The following DIAPH1 variants were observed in gnomAD, a reference collection of about 807,000 sequenced individuals.
DIAPH1 encodes the protein diaphanous related formin 1.
A neutral mutation model predicts 140.7 loss-of-function variants in DIAPH1; 46 were observed. That is an observed-to-expected ratio of 0.33 (90% CI 0.26 to 0.42). The LOEUF (loss-of-function observed/expected upper bound fraction) is 0.42, where lower values mean the gene tolerates loss of function less well. Ranked by LOEUF, DIAPH1 falls within the 10% of genes least tolerant of loss-of-function variation. The pLI is 1.00. For synonymous variants in DIAPH1, 565 were observed against 551.6 expected (o/e 1.02, Z -0.34); for missense variants, 1,310 against 1,558.7 (o/e 0.84, Z 2.69).
chr5:141,604,726 T>G (rs922225812), intron 1 of DIAPH1, among the ~76,000 whole-genome samples: 7 of 152,190 alleles, frequency 4.6e-5, no homozygotes, highest in African/African-American at 1.7e-4. Context: ...ACACCACTCC[T>G]GAATACCCAG....
intron 18 of DIAPH1, among the ~76,000 whole-genome samples, chr5:141,570,604 A>G (rs2099895036): frequency 6.6e-6 from 1 of 151,358 alleles, no homozygotes; most frequent in South Asian, 2.1e-4. Context: ...TCACTTAAGG[A>G]AAAAAAAAGG....
chr5:141,548,771 T>C (rs1291493626), intron 18 of DIAPH1, among the ~76,000 whole-genome samples: 1 of 151,884 alleles, frequency 6.6e-6, no homozygotes, highest in East Asian at 1.9e-4. Context: ...CATGCCACTG[T>C]ACTCCAGCCT....
At chr5:141,523,807 A>G (rs980026003) in intron 27 of DIAPH1, among the ~76,000 whole-genome samples, 1 of 151,518 alleles carries the variant, frequency 6.6e-6, no homozygotes, top group African/African-American at 2.4e-5. Flanking sequence ...TCTAATATAC[A>G]TTTTGTATTT....
intron 18 of DIAPH1, among the ~76,000 whole-genome samples, chr5:141,538,351 C>T (rs551620453): frequency 3.5e-5 from 5 of 141,626 alleles, no homozygotes; most frequent in East Asian, 4.5e-4. Flanking sequence ...TGAGCCACTT[C>T]GCTCGGCTTT....
At chr5:141,576,622 T>C in intron 13 of DIAPH1, 134 bp downstream of exon 13, 1 of 733,686 alleles carries the variant, frequency 1.4e-6, no homozygotes. Flanking sequence ...ATGCTGGTTA[T>C]GACCTAAGAA....
At chr5:141,604,618 A>T (rs989195027) in intron 1 of DIAPH1, among the ~76,000 whole-genome samples, 8 of 152,332 alleles carry the variant, frequency 5.3e-5, no homozygotes, top group Admixed American at 6.5e-5. Context: ...TGCAACTGCT[A>T]CCGCTTCTAC....
rs573787753 is a variant in DIAPH1, at chr5:141,618,942, C to G, written c.-28G>C. The G allele has an allele frequency of 1.7e-4, 231 of 1,339,320 alleles. No individual in the cohort carries two copies. The highest frequency in any genetic ancestry group is 2.2e-4 in the Non-Finnish European group (222 of 1,003,082). 83.0% of individuals were successfully genotyped at this position (1,339,320 alleles called of 1,614,324 possible). On this transcript the variant is annotated 5_prime_UTR_variant, in exon 1 of 28. Transcript: ENST00000389054. ...CCCGGTTCACGCTGGCCGGCGACCC[C>G]GCGCCTACGCCGCTCCCGCCTGGCA...
In DIAPH1 at chr5:141,523,457, C is replaced by T. The variant is rs536516999; in HGVS notation, c.3661+686G>A. On this transcript the variant is annotated intron_variant, in intron 27 of 27. Transcript: ENST00000389054. ...TCATTAATCTTTTCCCATACTAATGCCTGGATCACTTGTCCTAGCTCCATA... is the reference window on the plus strand; with the variant it reads ...TCATTAATCTTTTCCCATACTAATGTCTGGATCACTTGTCCTAGCTCCATA... 3.9e-5 allele frequency among the ~76,000 whole-genome samples: 6 copies of T among 152,288 alleles called. No individual in the cohort carries two copies. In the East Asian group the frequency reaches 5.8e-4, roughly 15 times the overall value.
At chr5:141,600,331 G>A (rs551405995) in intron 1 of DIAPH1, among the ~76,000 whole-genome samples, 17 of 152,290 alleles carry the variant, frequency 1.1e-4, no homozygotes, top group African/African-American at 3.4e-4. Context: ...ACTTAGCCCA[G>A]CCTGACATTT....
chr5:141,576,509 A>G (rs1236253368), intron 13 of DIAPH1, among the ~76,000 whole-genome samples: 1 of 152,204 alleles, frequency 6.6e-6, no homozygotes, highest in African/African-American at 2.4e-5. Flanking sequence ...AATGCCTATG[A>G]GTGATATTTT....
chr5:141,618,739 G>C lies in DIAPH1; in HGVS notation c.117+59C>G, dbSNP rs545897127. 2.8e-5 allele frequency: 36 copies of C among 1,271,218 alleles called. No individual in the cohort carries two copies. The East Asian group carries it at 3.3e-4, about 12-fold the overall frequency. 78.7% of individuals were successfully genotyped at this position (1,271,218 alleles called of 1,614,324 possible). On this transcript the variant is annotated intron_variant, in intron 1 of 27. Coordinates refer to ENST00000389054, the MANE Select transcript of DIAPH1 (RefSeq NM_005219.5). ...CGGGCAGGCGCCCCAGGGGCCGGCT[G>C]CAGGGGTCCAGAGGGCGGTTACGGG...
chr5:141,583,409 C>T, intron 5 of DIAPH1, 76 bp downstream of exon 5: 1 of 1,610,922 alleles, frequency 6.2e-7, no homozygotes, highest in Non-Finnish European at 8.5e-7. Flanking sequence ...GCTTCCCTGG[C>T]TCCTTTGATC....
chr5:141,590,100 A>G (rs1046846845), intron 1 of DIAPH1, among the ~76,000 whole-genome samples: 5 of 152,068 alleles, frequency 3.3e-5, no homozygotes, highest in African/African-American at 1.2e-4. Flanking sequence ...AACTGGTTCC[A>G]TTTCTGCCAC....
intron 1 of DIAPH1, among the ~76,000 whole-genome samples, chr5:141,601,418 G>A (rs1385815949): frequency 6.6e-6 from 1 of 151,984 alleles, no homozygotes; most frequent in Non-Finnish European, 1.5e-5. Context: ...CTCCCGAGTA[G>A]CTGGGATTAC....
intron 1 of DIAPH1, 32 bp downstream of exon 1, chr5:141,618,766 C>T (rs2099903123): frequency 1.3e-6 from 2 of 1,483,864 alleles, no homozygotes; most frequent in East Asian, 5.1e-5. Flanking sequence ...GGTTACGGGG[C>T]CAGGCAGGAG....
intron 26 of DIAPH1, chr5:141,524,554 T>C: frequency 2.4e-6 from 1 of 409,426 alleles, no homozygotes; most frequent in Non-Finnish European, 4.6e-6. Context: ...CCAGGATAAG[T>C]AGAGACTACG....
intron 17 of DIAPH1, chr5:141,571,711 A>T (rs751646369): frequency 1.6e-4 from 106 of 683,538 alleles, no homozygotes; most frequent in Non-Finnish European, 2.6e-4. Context: ...GATACAAAAT[A>T]CCTACATACA....
intron 14 of DIAPH1, 142 bp downstream of exon 14, chr5:141,576,088 A>C (rs1442558510): frequency 2.8e-6 from 2 of 707,898 alleles, no homozygotes; most frequent in Non-Finnish European, 5.1e-6. Context: ...CCTATACTGG[A>C]AAGGTTTCCC....
At chr5:141,614,865 G>A (rs562880753) in intron 1 of DIAPH1, among the ~76,000 whole-genome samples, 20 of 150,426 alleles carry the variant, frequency 1.3e-4, no homozygotes, top group Non-Finnish European at 2.7e-4. Flanking sequence ...TCAGTTTTCT[G>A]CAAACTTTTG....
Sources: gnomAD v4.1 joint callset for allele counts (sites outside exome capture counted in the v4.1 genomes callset) on GRCh38, gnomAD v4.1.1 for gene constraint, MANE v1.5 for transcripts, NCBI Gene and HGNC (gene_info 2026-07-23, HGNC 2026-07-21) for gene names.